Variants in KITLG observed in about 807,000 individuals in gnomAD.
KITLG encodes the protein c-Kit ligand.
KITLG carries 13 observed loss-of-function variants against 34.1 expected under a neutral mutation model. The observed-to-expected ratio is 0.38, with a 90% CI of 0.25 to 0.61. The LOEUF is 0.61. Among genes scored for constraint, KITLG ranks in the 20% least tolerant of loss-of-function variants. KITLG has a pLI of 0.60. For missense variants in KITLG, 292 were observed against 318.9 expected (o/e 0.92, Z 0.64); for synonymous variants, 110 against 104.0 (o/e 1.06, Z -0.35).
At chr12:88,507,329 T>C (rs538158107) in intron 6 of KITLG, among the ~76,000 whole-genome samples, 192 bp from the exon 7 acceptor site, 1 of 152,326 alleles carries the variant, frequency 6.6e-6, no homozygotes, top group South Asian at 2.1e-4. Flanking sequence ...CTCCAAAAGA[T>C]GAATGCATTA....
rs539013473 is a variant in KITLG, at chr12:88,535,661, C to T, written c.130-3158G>A. On this transcript the variant is annotated intron_variant, in intron 2 of 9. Coordinates refer to ENST00000644744, the MANE Select transcript of KITLG (RefSeq NM_000899.5). ...AAGTCAAGTTGTAGATATTTGTGGTCGCTTAATAAATTATTGTGTTAATAT... is the reference window on the plus strand; with the variant it reads ...AAGTCAAGTTGTAGATATTTGTGGTTGCTTAATAAATTATTGTGTTAATAT... Among the ~76,000 whole-genome samples, 191 of 152,158 alleles carry T rather than the reference C, an allele frequency of 1.3e-3. 3 individuals carry two copies. Among genetic ancestry groups the T allele is most frequent in the Non-Finnish European group, 1.1e-3 (76 of 68,004 alleles).
intron 6 of KITLG, among the ~76,000 whole-genome samples, chr12:88,513,737 C>A (rs1417218590): frequency 6.6e-6 from 1 of 151,552 alleles, no homozygotes; most frequent in East Asian, 1.9e-4. Flanking sequence ...AATGTATAAG[C>A]CCATAATAAT....
intron 6 of KITLG, among the ~76,000 whole-genome samples, chr12:88,508,012 C>T (rs1311733325): frequency 1.3e-5 from 2 of 152,004 alleles, no homozygotes; most frequent in Admixed American, 1.3e-4. Flanking sequence ...CACGGTAAAA[C>T]CCCGTCTCTA....
intron 1 of KITLG, among the ~76,000 whole-genome samples, chr12:88,573,817 C>T (rs1871736662): frequency 1.3e-5 from 2 of 152,158 alleles, no homozygotes; most frequent in Non-Finnish European, 2.9e-5. Context: ...GATGAGTTTG[C>T]GGTGGTCCTT....
chr12:88,566,244 T>G (rs2120969211), intron 1 of KITLG, among the ~76,000 whole-genome samples: 1 of 152,298 alleles, frequency 6.6e-6, no homozygotes, highest in South Asian at 2.1e-4. Flanking sequence ...CACAAAATTG[T>G]CAAATGTCTG....
chr12:88,533,731 T>C lies in KITLG; in HGVS notation c.130-1228A>G, dbSNP rs1314285804. Among the ~76,000 whole-genome samples, 4 of 152,206 alleles carry C rather than the reference T, an allele frequency of 2.6e-5. No individual in the cohort carries two copies. In the South Asian group the frequency reaches 8.3e-4, roughly 31 times the overall value. ...TTCCTTATAGAAAGCTAAGATCATG[T>C]GCATGTTTGCTAGACTAGGTCATCT... On this transcript the variant is annotated intron_variant, in intron 2 of 9. Transcript: ENST00000644744.
At position 88,516,458 on chromosome 12, in the gene KITLG, G is replaced by A. The variant is rs1298325747; in HGVS notation, c.396C>T (p.Pro132=). The part of the protein sequence containing the change: ...DLKKSFKSPE[P]RLFTPEEFFR... ...AGAATTCTTCAGGAGTAAAGAGCCT[G>A]GGTTCTGGGCTCTTGAATGATTTTT... is the stretch of plus-strand genomic sequence containing the variant. Residue 132 remains proline, a synonymous_variant, in exon 5 of 10, where the codon CCC becomes CCT. Transcript: ENST00000644744. 6.2e-7 allele frequency: 1 copy of A among 1,605,256 alleles called. No homozygotes were observed.
intron 5 of KITLG, 35 bp from the exon 6 acceptor site, chr12:88,515,652 G>A (rs1408928496): frequency 1.3e-6 from 2 of 1,486,274 alleles, no homozygotes; most frequent in Non-Finnish European, 9.4e-7. Flanking sequence ...AGTGTTATAT[G>A]GTGATTTGTA....
chr12:88,502,779 C>T (rs149431648), intron 9 of KITLG, among the ~76,000 whole-genome samples: 1 of 152,256 alleles, frequency 6.6e-6, no homozygotes, highest in East Asian at 1.9e-4. Flanking sequence ...GCAATGCAAT[C>T]CCAAACCAAA....
At chr12:88,560,724 C>A (rs1871267342) in intron 1 of KITLG, among the ~76,000 whole-genome samples, 1 of 152,234 alleles carries the variant, frequency 6.6e-6, no homozygotes, top group East Asian at 1.9e-4. Context: ...AATCCCAGCA[C>A]TTTGGGAGGC....
At chr12:88,497,550 T>C (rs1868689887) in intron 9 of KITLG, among the ~76,000 whole-genome samples, 1 of 152,202 alleles carries the variant, frequency 6.6e-6, no homozygotes, top group African/African-American at 2.4e-5. Context: ...CCTGTGACTT[T>C]CATACCTCCT....
intron 1 of KITLG, among the ~76,000 whole-genome samples, chr12:88,579,068 T>C (rs939153914): frequency 6.6e-5 from 10 of 152,182 alleles, no homozygotes; most frequent in African/African-American, 1.9e-4. Context: ...GCAATGTCCC[T>C]TTCCCCTGCC....
At chr12:88,572,091 A>G (rs1361001246) in intron 1 of KITLG, among the ~76,000 whole-genome samples, 1 of 152,228 alleles carries the variant, frequency 6.6e-6, no homozygotes, top group Non-Finnish European at 1.5e-5. Context: ...TAAAATGGCT[A>G]CACATTTAAA....
At chr12:88,576,162 A>T (rs1382438546) in intron 1 of KITLG, among the ~76,000 whole-genome samples, 5 of 152,190 alleles carry the variant, frequency 3.3e-5, no homozygotes, top group African/African-American at 9.6e-5. Flanking sequence ...TCCATTTTCC[A>T]TTTCTATTTT....
intron 1 of KITLG, among the ~76,000 whole-genome samples, chr12:88,565,660 G>A (rs2407201): frequency 0.66 from 100,153 of 152,108 alleles, 36,702 homozygotes; most frequent in Middle Eastern, 0.86. Context: ...ATCTCTAGGT[G>A]AGAAAATAAA....
At chr12:88,579,116 C>CT (rs1235743150) in intron 1 of KITLG, among the ~76,000 whole-genome samples, 1 of 152,172 alleles carries the variant, frequency 6.6e-6, no homozygotes, top group African/African-American at 2.4e-5. Context: ...AGTCTTGCAA[C>CT]TTTTTGCAGG....
Position 88,532,468 on chromosome 12 carries a change from G to A in KITLG, c.165C>T (p.Leu55=). 1 of 1,610,764 alleles carries A rather than the reference G, an allele frequency of 6.2e-7. No homozygotes were observed. Among genetic ancestry groups the A allele is most frequent in the East Asian group, 2.2e-5 (1 of 44,790 alleles). Residue 55 remains leucine (L), a synonymous_variant, in exon 3 of 10, where the codon CTC becomes CTT. Coordinates refer to ENST00000644744, the MANE Select transcript of KITLG (RefSeq NM_000899.5). The part of the protein sequence containing the change: ...ANLPKDYMIT[L]KYVPGMDVLP... ...AAACATCCATCCCGGGGACATATTT[G>A]AGGGTTATCATGTAGTCTTTTGGAA... is the stretch of plus-strand genomic sequence containing the variant.
At chr12:88,530,226 C>G (rs1197862821) in intron 3 of KITLG, among the ~76,000 whole-genome samples, 4 of 152,084 alleles carry the variant, frequency 2.6e-5, no homozygotes, top group African/African-American at 7.2e-5. Flanking sequence ...AACACTTTCC[C>G]TAAGTGTTGT....
chr12:88,524,543 T>A (rs1226781497), intron 3 of KITLG, among the ~76,000 whole-genome samples: 1 of 152,160 alleles, frequency 6.6e-6, no homozygotes, highest in Non-Finnish European at 1.5e-5. Flanking sequence ...TTTGGATACA[T>A]GGGGCTAAAT....
Sources: gnomAD v4.1 joint callset for allele counts (sites outside exome capture counted in the v4.1 genomes callset) on GRCh38, gnomAD v4.1.1 for gene constraint, MANE v1.5 for transcripts, NCBI Gene and HGNC (gene_info 2026-07-23, HGNC 2026-07-21) for gene names.